The following KIAA1328 variants were observed in gnomAD, a reference collection of about 807,000 sequenced individuals.
KIAA1328 encodes KIAA1328.
Under a neutral mutation model 68.1 loss-of-function variants are expected in KIAA1328, and 52 were observed. That is an observed-to-expected ratio of 0.76 (90% CI 0.61 to 0.96). The LOEUF (loss-of-function observed/expected upper bound fraction) is 0.96, where lower values mean the gene tolerates loss of function less well. Among genes scored for constraint, KIAA1328 ranks in the 40% least tolerant of loss-of-function variants. The pLI, the probability that KIAA1328 is intolerant of heterozygous loss-of-function variation, is 0.00. For missense variants in KIAA1328, 641 were observed against 677.6 expected, an observed-to-expected ratio of 0.95 and a Z score of 0.60; for synonymous variants, 232 against 239.4, an observed-to-expected ratio of 0.97 and a Z score of 0.28.
At chr18:36,932,578 A>G (rs899537295) in intron 5 of KIAA1328, among the ~76,000 whole-genome samples, 2 of 152,226 alleles carry the variant, frequency 1.3e-5, no homozygotes, top group African/African-American at 4.8e-5. Flanking sequence ...ACCTTGAAAG[A>G]GAAATGAAAT....
At chr18:37,034,881 G>A (rs2054966898) in intron 6 of KIAA1328, among the ~76,000 whole-genome samples, 1 of 152,038 alleles carries the variant, frequency 6.6e-6, no homozygotes, top group South Asian at 2.1e-4. Context: ...CAGGACTAAA[G>A]GTACATTGAA....
intron 7 of KIAA1328, among the ~76,000 whole-genome samples, chr18:37,134,019 CT>C (rs951006307): frequency 1.2e-3 from 166 of 142,028 alleles, no homozygotes; most frequent in Non-Finnish European, 1.1e-3. Context: ...CCTTTACATT[CT>C]TTTTTTTTTT....
intron 5 of KIAA1328, among the ~76,000 whole-genome samples, chr18:36,923,172 C>G (rs1327381017): frequency 1.3e-5 from 2 of 151,936 alleles, no homozygotes; most frequent in Admixed American, 6.6e-5. Context: ...TAAAGCAGTA[C>G]TTAAAGGGAA....
chr18:36,857,030 A>G (rs1244602488), intron 4 of KIAA1328, among the ~76,000 whole-genome samples: 1 of 152,132 alleles, frequency 6.6e-6, no homozygotes, highest in Non-Finnish European at 1.5e-5. Flanking sequence ...CTCTAATCTG[A>G]TGTATTCCTT....
chr18:37,099,764 T>C (rs1443596276), intron 7 of KIAA1328, among the ~76,000 whole-genome samples: 2 of 152,224 alleles, frequency 1.3e-5, no homozygotes, highest in African/African-American at 4.8e-5. Flanking sequence ...TACTCCTGTA[T>C]TGGGTGCATA....
intron 7 of KIAA1328, among the ~76,000 whole-genome samples, chr18:37,094,166 G>A (rs565402545): frequency 7.9e-5 from 12 of 152,300 alleles, no homozygotes; most frequent in African/African-American, 2.4e-4. Context: ...GTTCCTATGA[G>A]AGTCTAATGC....
chr18:36,850,310 A>G (rs2047170505), intron 4 of KIAA1328, among the ~76,000 whole-genome samples: 2 of 151,996 alleles, frequency 1.3e-5, no homozygotes, highest in African/African-American at 4.8e-5. Context: ...AGGAACACAA[A>G]TAGCTATTGT....
chr18:37,214,065 G>C (rs1378646412), intron 9 of KIAA1328, among the ~76,000 whole-genome samples: 1 of 152,076 alleles, frequency 6.6e-6, no homozygotes, highest in Non-Finnish European at 1.5e-5. Context: ...TGTCAGATGG[G>C]TAGATTGCAA....
intron 6 of KIAA1328, among the ~76,000 whole-genome samples, chr18:37,025,330 C>A (rs901382369): frequency 2.0e-5 from 3 of 152,158 alleles, no homozygotes; most frequent in Admixed American, 2.0e-4. Flanking sequence ...AGAAAGCTAA[C>A]AAGGATATCC....
chr18:36,861,193 A>C (rs768169048), intron 4 of KIAA1328, among the ~76,000 whole-genome samples: 5 of 152,082 alleles, frequency 3.3e-5, no homozygotes, highest in Non-Finnish European at 7.4e-5. Flanking sequence ...GACACTTTTG[A>C]AGAGTACTAG....
At chr18:37,066,301 T>A (rs1358957116) in intron 6 of KIAA1328, among the ~76,000 whole-genome samples, 1 of 152,230 alleles carries the variant, frequency 6.6e-6, no homozygotes, top group African/African-American at 2.4e-5. Flanking sequence ...TGTTTGTAGA[T>A]GAAATTAAGT....
intron 6 of KIAA1328, among the ~76,000 whole-genome samples, chr18:37,028,888 T>G (rs1311087632): frequency 6.6e-6 from 1 of 152,178 alleles, no homozygotes; most frequent in Non-Finnish European, 1.5e-5. Flanking sequence ...TTGTGGTGGA[T>G]TAGCTTTTTG....
At chr18:36,941,551 C>T (rs1301871655) in intron 5 of KIAA1328, among the ~76,000 whole-genome samples, 1 of 152,054 alleles carries the variant, frequency 6.6e-6, no homozygotes, top group Non-Finnish European at 1.5e-5. Flanking sequence ...GCTGAGACTG[C>T]GCCACTGCAC....
At chr18:37,077,096 G>A (rs2056766688) in intron 7 of KIAA1328, among the ~76,000 whole-genome samples, 1 of 151,226 alleles carries the variant, frequency 6.6e-6, no homozygotes, top group Non-Finnish European at 1.5e-5. Flanking sequence ...TAAAATACTG[G>A]CAAACCGAAT....
intron 7 of KIAA1328, among the ~76,000 whole-genome samples, chr18:37,074,330 C>T (rs1398293094): frequency 6.6e-6 from 1 of 152,148 alleles, no homozygotes; most frequent in African/African-American, 2.4e-5. Flanking sequence ...TCACCTTTTA[C>T]AGTATTCTTA....
At chr18:36,980,688 G>A (rs1280484808) in intron 6 of KIAA1328, among the ~76,000 whole-genome samples, 1 of 152,122 alleles carries the variant, frequency 6.6e-6, no homozygotes, top group Non-Finnish European at 1.5e-5. Context: ...ATATTATCTT[G>A]TAGCTCCCAT....
intron 9 of KIAA1328, among the ~76,000 whole-genome samples, chr18:37,182,871 A>G (rs553095284): frequency 4.6e-5 from 7 of 152,276 alleles, no homozygotes; most frequent in Admixed American, 3.3e-4. Flanking sequence ...TTGGGCACTC[A>G]GTGTTAGCTT....
intron 5 of KIAA1328, among the ~76,000 whole-genome samples, chr18:36,891,509 C>T (rs1460537666): frequency 6.6e-6 from 1 of 152,130 alleles, no homozygotes; most frequent in Admixed American, 6.6e-5. Context: ...CATTCTTATG[C>T]CTTTGCAGCC....
chr18:36,884,239 G>A (rs2048421621), intron 4 of KIAA1328, among the ~76,000 whole-genome samples: 1 of 152,126 alleles, frequency 6.6e-6, no homozygotes, highest in Admixed American at 6.5e-5. Flanking sequence ...TTCTCTTCAT[G>A]TGTATGTATT....
Sources: gnomAD v4.1 joint callset for allele counts (sites outside exome capture counted in the v4.1 genomes callset) on GRCh38, gnomAD v4.1.1 for gene constraint, MANE v1.5 for transcripts, NCBI Gene and HGNC (gene_info 2026-07-23, HGNC 2026-07-21) for gene names.